Variants in RBMS1 observed in about 807,000 individuals in gnomAD.
The protein encoded by RBMS1 is RNA-binding motif, single-stranded-interacting protein 1.
In RBMS1, 17 loss-of-function variants were observed where a neutral mutation model predicts 62.3. That is an observed-to-expected ratio of 0.27 (90% CI 0.19 to 0.41). The LOEUF (loss-of-function observed/expected upper bound fraction) is 0.41, where lower values mean the gene tolerates loss of function less well. RBMS1 is among the 10% of genes least tolerant of loss of function. RBMS1 has a pLI of 1.00. For synonymous variants in RBMS1, 172 were observed against 170.0 expected, an observed-to-expected ratio of 1.01 and a Z score of -0.09; for missense variants, 334 against 504.5, an observed-to-expected ratio of 0.66 and a Z score of 3.24.
At chr2:160,423,895 TTCACTGGAGGG>T (rs927905665) in intron 1 of RBMS1, among the ~76,000 whole-genome samples, 4 of 152,168 alleles carry the variant, frequency 2.6e-5, no homozygotes, top group African/African-American at 9.7e-5. Flanking sequence ...ATCTGTCCAT[TTCACTGGAGGG>T]TAAACTCGTC....
chr2:160,308,513 C>T (rs1014919877), intron 4 of RBMS1, among the ~76,000 whole-genome samples: 1 of 152,228 alleles, frequency 6.6e-6, no homozygotes, highest in Non-Finnish European at 1.5e-5. Context: ...GATACTCAAA[C>T]TCATGGTTCT....
chr2:160,344,672 A>G (rs1692076855), intron 2 of RBMS1, among the ~76,000 whole-genome samples: 2 of 152,150 alleles, frequency 1.3e-5, no homozygotes, highest in Non-Finnish European at 2.9e-5. Flanking sequence ...CTATTTACTG[A>G]GTGCCTACTA....
At chr2:160,461,272 A>G (rs1684452538) in intron 1 of RBMS1, among the ~76,000 whole-genome samples, 1 of 152,064 alleles carries the variant, frequency 6.6e-6, no homozygotes, top group South Asian at 2.1e-4. Flanking sequence ...AGAGAGAGAG[A>G]GGGAGAGAAA....
intron 1 of RBMS1, among the ~76,000 whole-genome samples, chr2:160,423,755 A>G (rs1009633944): frequency 6.6e-6 from 1 of 152,162 alleles, no homozygotes; most frequent in Admixed American, 6.5e-5. Flanking sequence ...CTTGGGATCT[A>G]GACCCCTGGT....
At chr2:160,423,092 G>C (rs1305502092) in intron 1 of RBMS1, among the ~76,000 whole-genome samples, 1 of 152,076 alleles carries the variant, frequency 6.6e-6, no homozygotes, top group African/African-American at 2.4e-5. Flanking sequence ...CTGTGTTCAA[G>C]ATTTAGGTTT....
chr2:160,285,128 G>A lies in RBMS1; in HGVS notation c.757-84C>T, dbSNP rs906054095. On this transcript the variant is annotated intron_variant, in intron 7 of 13. Coordinates refer to ENST00000348849, the MANE Select transcript of RBMS1 (RefSeq NM_016836.4). ...TATTTTTAGCCAGGTGTGGTGGTGT[G>A]CACCTGTAGTCCCAGCTGCTGGGGA... The A allele has an allele frequency of 2.3e-6, 3 of 1,319,932 alleles. No homozygotes were observed. The African/African-American group carries it at 4.3e-5, about 19-fold the overall frequency. 81.8% of individuals were successfully genotyped at this position (1,319,932 alleles called of 1,614,324 possible). A position where few individuals can be genotyped will look rare whatever the true frequency, so the allele number is the denominator to read the frequency against.
intron 1 of RBMS1, among the ~76,000 whole-genome samples, chr2:160,383,225 T>G (rs1316609908): frequency 1.3e-5 from 2 of 152,148 alleles, no homozygotes; most frequent in Non-Finnish European, 2.9e-5. Context: ...TCCTTGCCTC[T>G]TCCAGTAGCG....
chr2:160,377,540 AAGG>A (rs1694066398), intron 1 of RBMS1, among the ~76,000 whole-genome samples: 1 of 152,188 alleles, frequency 6.6e-6, no homozygotes, highest in Admixed American at 6.5e-5. Context: ...TTCCAGCTTT[AAGG>A]AGGAGCAAGC....
chr2:160,372,964 T>A (rs1693804639), intron 1 of RBMS1, among the ~76,000 whole-genome samples: 1 of 152,168 alleles, frequency 6.6e-6, no homozygotes, highest in South Asian at 2.1e-4. Flanking sequence ...ACCATGGAGT[T>A]AAGGAAATAA....
intron 1 of RBMS1, among the ~76,000 whole-genome samples, chr2:160,417,776 T>C (rs1696262666): frequency 6.6e-6 from 1 of 152,230 alleles, no homozygotes; most frequent in Non-Finnish European, 1.5e-5. Context: ...GTCCTTTCTA[T>C]TCATAACCTT....
At chr2:160,377,598 T>C (rs553202760) in intron 1 of RBMS1, among the ~76,000 whole-genome samples, 6 of 152,314 alleles carry the variant, frequency 3.9e-5, no homozygotes, top group African/African-American at 1.4e-4. Context: ...TTCCACTGAT[T>C]TCAAACCCAG....
intron 1 of RBMS1, chr2:160,402,040 G>A (rs190287161): frequency 5.3e-5 from 8 of 152,224 alleles, no homozygotes; most frequent in African/African-American, 4.8e-5. Context: ...ATTCTTAGGC[G>A]ACTGTGTCAA....
intron 1 of RBMS1, among the ~76,000 whole-genome samples, chr2:160,399,683 G>C (rs1308239710): frequency 6.6e-6 from 1 of 152,110 alleles, no homozygotes; most frequent in Non-Finnish European, 1.5e-5. Flanking sequence ...ACAAAATAGA[G>C]CCAAAGTACT....
chr2:160,306,960 T>C (rs546842240), intron 4 of RBMS1, among the ~76,000 whole-genome samples: 3 of 152,228 alleles, frequency 2.0e-5, no homozygotes, highest in Non-Finnish European at 4.4e-5. Flanking sequence ...AACATAAAAA[T>C]AGGGTCAACA....
chr2:160,339,518 C>T (rs896159377), intron 2 of RBMS1, among the ~76,000 whole-genome samples: 2 of 152,076 alleles, frequency 1.3e-5, no homozygotes, highest in Admixed American at 6.6e-5. Flanking sequence ...GGAAAAGCAT[C>T]TGTAAATTAA....
chr2:160,452,600 A>G (rs1191651525), intron 1 of RBMS1, among the ~76,000 whole-genome samples: 1 of 152,216 alleles, frequency 6.6e-6, no homozygotes, highest in Non-Finnish European at 1.5e-5. Flanking sequence ...ACCTGCAGAT[A>G]TGGAAGGCCA....
chr2:160,378,941 C>T (rs58757862), intron 1 of RBMS1, among the ~76,000 whole-genome samples: 18,232 of 152,162 alleles, frequency 0.12, 1,261 homozygotes, highest in East Asian at 0.26. Flanking sequence ...TAATGTGGGC[C>T]GGACGTGGTG....
chr2:160,326,885 C>T (rs1690962428), intron 2 of RBMS1, among the ~76,000 whole-genome samples: 1 of 152,152 alleles, frequency 6.6e-6, no homozygotes, highest in Non-Finnish European at 1.5e-5. Flanking sequence ...AATGGAAAGC[C>T]AGTGGCTTGT....
At chr2:160,421,718 G>A (rs181853350) in intron 1 of RBMS1, among the ~76,000 whole-genome samples, 53 of 152,296 alleles carry the variant, frequency 3.5e-4, no homozygotes, top group Non-Finnish European at 5.0e-4. Context: ...TTGAGGAATC[G>A]CCACACTGTC....
Sources: allele counts gnomAD v4.1 joint callset (sites outside exome capture counted in the v4.1 genomes callset), GRCh38; gene constraint gnomAD v4.1.1; transcripts MANE v1.5; gene names NCBI Gene and HGNC (gene_info 2026-07-23, HGNC 2026-07-21).